Variants in REXO1 observed in about 807,000 individuals in gnomAD.
REXO1 encodes the protein REX1, RNA exonuclease 1 homolog.
REXO1 carries 42 observed loss-of-function variants against 102.6 expected under a neutral mutation model. The observed-to-expected ratio is 0.41, with a 90% CI of 0.32 to 0.53. REXO1 has a LOEUF of 0.53. Among genes scored for constraint, REXO1 ranks in the 20% least tolerant of loss-of-function variants. The pLI, the probability that REXO1 is intolerant of heterozygous loss-of-function variation, is 0.27. For synonymous variants in REXO1, 908 were observed against 779.1 expected (o/e 1.17, Z -2.76); for missense variants, 1,819 against 1,732.5 (o/e 1.05, Z -0.89).
At chr19:1,822,024 G>A (rs1189824822) in intron 4 of REXO1, 12 of 517,734 alleles carry the variant, frequency 2.3e-5, no homozygotes, top group Non-Finnish European at 3.3e-5. Context: ...GAAGGGTCTC[G>A]GGTGCCCCCA....
chr19:1,841,421 G>C (rs551941391), intron 1 of REXO1, among the ~76,000 whole-genome samples: 2 of 152,234 alleles, frequency 1.3e-5, no homozygotes, highest in South Asian at 4.1e-4. Context: ...TCTCGTCAAA[G>C]TGAGGCCTGC....
intron 3 of REXO1, among the ~76,000 whole-genome samples, chr19:1,824,774 G>A (rs1298970338): frequency 3.1e-5 from 4 of 130,716 alleles, no homozygotes; most frequent in Admixed American, 1.6e-4. Context: ...GTTTATGAAT[G>A]GATAACTCAT....
chr19:1,818,875 TG>T, intron 8 of REXO1, 32 bp from the exon 9 acceptor site: 1 of 1,605,654 alleles, frequency 6.2e-7, no homozygotes. Context: ...AGCCCCTGCC[TG>T]GGATGGCCCA....
chr19:1,820,456 G>A (rs2069499761), intron 5 of REXO1, 61 bp from the exon 6 acceptor site: 3 of 1,590,780 alleles, frequency 1.9e-6, no homozygotes, highest in Non-Finnish European at 2.6e-6. Context: ...AGCGGGGAAC[G>A]CAGACGCGAT....
chr19:1,834,848 G>C (rs748528227), intron 1 of REXO1: 8 of 244,448 alleles, frequency 3.3e-5, no homozygotes, highest in Non-Finnish European at 6.5e-5. Context: ...GCACCAAAAA[G>C]AAAGCAGGCA....
chr19:1,829,345 C>T (rs1001150539), intron 1 of REXO1, among the ~76,000 whole-genome samples: 1 of 151,972 alleles, frequency 6.6e-6, no homozygotes, highest in African/African-American at 2.4e-5. Flanking sequence ...TTCAAGCAAA[C>T]CTCCTGCCTC....
intron 1 of REXO1, among the ~76,000 whole-genome samples, chr19:1,834,234 A>G (rs2069979165): frequency 2.0e-5 from 3 of 151,952 alleles, no homozygotes; most frequent in Admixed American, 2.0e-4. Context: ...GGAAATTCAG[A>G]CCTCTGGACA....
chr19:1,838,405 G>A (rs1421389633), intron 1 of REXO1, among the ~76,000 whole-genome samples: 3 of 151,778 alleles, frequency 2.0e-5, no homozygotes, highest in Non-Finnish European at 2.9e-5. Context: ...GATCACCTGA[G>A]GTTGGGAGTT....
intron 1 of REXO1, among the ~76,000 whole-genome samples, chr19:1,841,160 G>A (rs1372029280): frequency 5.3e-5 from 8 of 151,994 alleles, no homozygotes; most frequent in Non-Finnish European, 7.4e-5. Flanking sequence ...AGAGGTCCCC[G>A]TGAGGCTCAG....
chr19:1,847,695 A>G (rs980992075), intron 1 of REXO1, among the ~76,000 whole-genome samples: 8 of 152,228 alleles, frequency 5.3e-5, no homozygotes, highest in African/African-American at 1.9e-4. Context: ...AGGGCTCGAC[A>G]AACACAAGAG....
chr19:1,834,024 G>A (rs1738030663), intron 1 of REXO1, among the ~76,000 whole-genome samples: 1 of 152,158 alleles, frequency 6.6e-6, no homozygotes. Flanking sequence ...GGCCCCAGGA[G>A]GGCAGGCGGG....
rs1013951549 is a variant in REXO1, at chr19:1,841,509, G to A, written c.157+6693C>T. On this transcript the variant is annotated intron_variant, in intron 1 of 15. Coordinates refer to ENST00000170168, the MANE Select transcript of REXO1 (RefSeq NM_020695.4). ...TCGTGCAGAAGAGCTCGCAGAGGCC[G>A]AGGGAGGTTCAGGAGGCAACAGGCT... Among the ~76,000 whole-genome samples the A allele has an allele frequency of 5.9e-5, 9 of 152,228 alleles. No individual in the cohort carries two copies. In the East Asian group the frequency reaches 1.2e-3, roughly 20 times the overall value.
chr19:1,847,723 C>G (rs1322140863), intron 1 of REXO1, among the ~76,000 whole-genome samples: 3 of 152,240 alleles, frequency 2.0e-5, no homozygotes, highest in Non-Finnish European at 4.4e-5. Flanking sequence ...TCGGACCATC[C>G]TAACTCAACG....
chr19:1,842,490 C>T (rs1298901677), intron 1 of REXO1, among the ~76,000 whole-genome samples: 4 of 152,280 alleles, frequency 2.6e-5, no homozygotes, highest in African/African-American at 9.6e-5. Context: ...TACTGAAGAC[C>T]TAAGCAAAGA....
chr19:1,836,892 G>C (rs560436406), intron 1 of REXO1, among the ~76,000 whole-genome samples: 37 of 152,276 alleles, frequency 2.4e-4, no homozygotes, highest in South Asian at 4.1e-4. Context: ...TGCTGGCCCA[G>C]AACAGGCCAG....
Position 1,821,516 on chromosome 19 carries a change from T to A in REXO1, c.2394+3A>T. 1 of 1,613,450 alleles carries A rather than the reference T, an allele frequency of 6.2e-7. No individual in the cohort carries two copies. Among genetic ancestry groups the A allele is most frequent in the South Asian group, 1.1e-5 (1 of 91,032 alleles). The stretch of plus-strand genomic sequence containing the variant: ...TGGTCCTGGCCGAGATGGGAGGGGC[T>A]ACCTGTAAGGATGGACTGTGGGCGA... On this transcript the variant is annotated splice_donor_region_variant and intron_variant, in intron 5 of 15. Coordinates refer to ENST00000170168, the MANE Select transcript of REXO1 (RefSeq NM_020695.4).
intron 3 of REXO1, 97 bp downstream of exon 3, chr19:1,825,742 C>T (rs886962260): frequency 2.4e-6 from 2 of 830,366 alleles, no homozygotes; most frequent in African/African-American, 3.5e-5. Flanking sequence ...TCCCAAAGTG[C>T]TGGGATTACA....
chr19:1,820,017 C>G lies in REXO1; in HGVS notation c.2567G>C (p.Ser856Thr), dbSNP rs78904081. ...GGCCACATTCAGGTAGATGTTCTTG[C>G]TGGGGCTGCGGTCATAGGCCACCTT... The part of the protein sequence containing the change: ...EEKVAYDRSP[S>T]KNIYLNVAVN... The change falls in exon 7 of 16, where the codon AGC becomes ACC. Residue 856 changes from serine (S) to threonine (T), a missense_variant. Coordinates refer to ENST00000170168, the MANE Select transcript of REXO1 (RefSeq NM_020695.4). 1.5e-4 allele frequency: 244 copies of G among 1,603,050 alleles called. 1 individual carries two copies. The African/African-American group carries it at 2.8e-3, about 18-fold the overall frequency.
Position 1,827,997 on chromosome 19 carries a change from G to A in REXO1, c.792C>T (p.Gly264=). The A allele has an allele frequency of 6.2e-7, 1 of 1,613,214 alleles. No individual in the cohort carries two copies. Among genetic ancestry groups the A allele is most frequent in the Non-Finnish European group, 8.5e-7 (1 of 1,179,758 alleles). The change falls in exon 2 of 16, where the codon GGC becomes GGT. Residue 264 remains glycine, a synonymous_variant. Transcript: ENST00000170168. ...RAAKRPRGSR[G]SEPYTPAPKK... is the part of the protein sequence containing the mutation. ...TGGGAGCAGGTGTGTAGGGCTCACTGCCGCGGGAGCCCCGGGGCCGCTTGG... is the reference window on the plus strand; with the variant it reads ...TGGGAGCAGGTGTGTAGGGCTCACTACCGCGGGAGCCCCGGGGCCGCTTGG...
Sources: gnomAD v4.1 joint callset for allele counts (sites outside exome capture counted in the v4.1 genomes callset) on GRCh38, gnomAD v4.1.1 for gene constraint, MANE v1.5 for transcripts, NCBI Gene and HGNC (gene_info 2026-07-23, HGNC 2026-07-21) for gene names.